Variants in ITGAV observed in about 807,000 individuals in gnomAD.
The protein encoded by ITGAV is integrin subunit alpha V, also known as integrin alpha-V.
ITGAV carries 76 observed loss-of-function variants against 143.8 expected under a neutral mutation model. The ratio of observed to expected loss-of-function variants is 0.53; its 90% CI spans 0.44 to 0.64. The LOEUF (loss-of-function observed/expected upper bound fraction) is 0.64. ITGAV is among the 30% of genes least tolerant of loss of function. The probability of loss-of-function intolerance (pLI) is 0.00; values close to 1 mark genes in which losing one functional copy is unlikely to be tolerated. For missense variants in ITGAV, 1,193 were observed against 1,274.7 expected, an observed-to-expected ratio of 0.94 and a Z score of 0.98; for synonymous variants, 453 against 446.7, an observed-to-expected ratio of 1.01 and a Z score of -0.18.
intron 6 of ITGAV, 80 bp from the exon 7 acceptor site, chr2:186,636,002 T>G: frequency 8.3e-7 from 1 of 1,198,782 alleles, no homozygotes; most frequent in Non-Finnish European, 1.2e-6. Context: ...TTGTTTTCCT[T>G]CATGCAGGTA....
intron 3 of ITGAV, among the ~76,000 whole-genome samples, chr2:186,622,771 T>C (rs1687568099): frequency 6.6e-6 from 1 of 152,146 alleles, no homozygotes; most frequent in African/African-American, 2.4e-5. Flanking sequence ...CTCTTTTTTT[T>C]TCTTTCCCTG....
At chr2:186,601,880 G>T (rs1233545056) in intron 1 of ITGAV, 141 bp from the exon 2 acceptor site, 1 of 730,156 alleles carries the variant, frequency 1.4e-6, no homozygotes, top group Non-Finnish European at 2.1e-6. Context: ...GAATAATGAA[G>T]ATTATGCCCT....
intron 6 of ITGAV, 145 bp downstream of exon 6, chr2:186,633,519 G>C: frequency 3.3e-6 from 1 of 298,656 alleles, no homozygotes; most frequent in Non-Finnish European, 6.2e-6. Flanking sequence ...ATTTTACACA[G>C]TGTTTTTTAA....
chr2:186,616,896 A>AT (rs1317596157), intron 2 of ITGAV, among the ~76,000 whole-genome samples: 5 of 151,886 alleles, frequency 3.3e-5, no homozygotes, highest in Non-Finnish European at 4.4e-5. Flanking sequence ...TTTATTGGAT[A>AT]TTTTTTTTCA....
At position 186,680,766 on chromosome 2, in the gene ITGAV, TGA is replaced by T. The variant is rs1292288100; in HGVS notation, c.*3477_*3478del. 2 of 152,630 alleles carry T rather than the reference TGA, an allele frequency of 1.3e-5. No homozygotes were observed. Among genetic ancestry groups the T allele is most frequent in the Non-Finnish European group, 2.9e-5 (2 of 68,006 alleles). 9.5% of individuals were successfully genotyped at this position (152,630 alleles called of 1,614,324 possible). On this transcript the variant is annotated 3_prime_UTR_variant, in exon 30 of 30. Coordinates refer to ENST00000261023, the MANE Select transcript of ITGAV (RefSeq NM_002210.5). ...TATCTTTGTGGTCACCCACATTGGG[TGA>T]GACAGAAAATGAATCTGTTCTAAAA... is the stretch of plus-strand genomic sequence containing the variant.
intron 18 of ITGAV, among the ~76,000 whole-genome samples, chr2:186,660,189 G>A (rs1211559933): frequency 2.6e-5 from 4 of 152,006 alleles, no homozygotes; most frequent in Admixed American, 2.6e-4. Flanking sequence ...TATTATCATT[G>A]TTATCACTAC....
chr2:186,641,615 G>C, intron 12 of ITGAV, 27 bp downstream of exon 12: 1 of 1,589,202 alleles, frequency 6.3e-7, no homozygotes, highest in Non-Finnish European at 8.6e-7. Context: ...GCAGCTACAG[G>C]TCCCTGATTA....
intron 19 of ITGAV, 90 bp from the exon 20 acceptor site, chr2:186,664,404 C>A: frequency 8.1e-7 from 1 of 1,227,544 alleles, no homozygotes; most frequent in Non-Finnish European, 1.2e-6. Context: ...CATGTCAGTG[C>A]TGTGTATTTA....
chr2:186,673,190 A>C (rs1689114041), intron 26 of ITGAV, among the ~76,000 whole-genome samples: 2 of 152,204 alleles, frequency 1.3e-5, no homozygotes, highest in African/African-American at 4.8e-5. Context: ...TTTCCCCTTA[A>C]ATGGTCTTGG....
At chr2:186,666,346 T>C (rs1688895117) in intron 21 of ITGAV, among the ~76,000 whole-genome samples, 1 of 152,206 alleles carries the variant, frequency 6.6e-6, no homozygotes, top group Non-Finnish European at 1.5e-5. Context: ...TCCTGGCCTA[T>C]GAACACAGCA....
In ITGAV at chr2:186,625,460, C is replaced by G. The variant is rs201385343; in HGVS notation, c.409-13C>G. 6 of 1,576,608 alleles carry G rather than the reference C, an allele frequency of 3.8e-6. No homozygotes were observed. The highest frequency in any genetic ancestry group is 5.2e-6 in the Non-Finnish European group (6 of 1,146,756). The stretch of plus-strand genomic sequence containing the variant: ...GAAAATCTTCGTGTCGTGGACTAAA[C>G]CTTTGATTTTAGGCCTGTGCCCCAT... On this transcript the variant is annotated splice_polypyrimidine_tract_variant and intron_variant, in intron 3 of 29. Transcript: ENST00000261023.
rs1686569437 is a variant in ITGAV at position 186,590,149 on chromosome 2, C to T, written c.-190C>T. The T allele has an allele frequency of 2.2e-6, 1 of 451,258 alleles. No individual in the cohort carries two copies. Among genetic ancestry groups the T allele is most frequent in the Non-Finnish European group, 3.7e-6 (1 of 267,196 alleles). The allele number at this position is 451,258 out of a possible 1,614,324, so 28.0% of individuals were successfully genotyped here. ...GTCCCCGCCCCGCGCGCTCTGCGCC[C>T]CTCGTCCCTGGCGGTCGCTCCGAAG... On this transcript the variant is annotated 5_prime_UTR_variant, in exon 1 of 30. Coordinates refer to ENST00000261023, the MANE Select transcript of ITGAV (RefSeq NM_002210.5).
At chr2:186,640,706 A>G (rs1414284685) in intron 10 of ITGAV, among the ~76,000 whole-genome samples, 2 of 152,190 alleles carry the variant, frequency 1.3e-5, no homozygotes, top group Admixed American at 6.5e-5. Context: ...ATATACATGT[A>G]ATATATTGTG....
chr2:186,675,459 A>G (rs1292223591), intron 26 of ITGAV, 145 bp from the exon 27 acceptor site: 4 of 617,498 alleles, frequency 6.5e-6, no homozygotes, highest in Non-Finnish European at 1.2e-5. Flanking sequence ...CATAGACTCA[A>G]CTATTAGCCT....
At chr2:186,653,171 T>C (rs1574492567) in intron 15 of ITGAV, among the ~76,000 whole-genome samples, 1 of 152,206 alleles carries the variant, frequency 6.6e-6, no homozygotes, top group East Asian at 1.9e-4. Flanking sequence ...GGTCTCGATC[T>C]CCTGACCTCA....
intron 3 of ITGAV, among the ~76,000 whole-genome samples, chr2:186,623,229 T>C (rs944937754): frequency 1.3e-5 from 2 of 152,234 alleles, no homozygotes; most frequent in Non-Finnish European, 2.9e-5. Flanking sequence ...TTCAGGTCAC[T>C]GAAATCCACT....
chr2:186,663,754 A>G lies in ITGAV; in HGVS notation c.1858-14A>G. ...GGTATTTTTCATGTAGAAAAATAAAATGTTTTTTTCTAGGCTCACATTCTA... is the reference window on the plus strand; with the variant it reads ...GGTATTTTTCATGTAGAAAAATAAAGTGTTTTTTTCTAGGCTCACATTCTA... On this transcript the variant is annotated splice_polypyrimidine_tract_variant and intron_variant, in intron 18 of 29. Coordinates refer to ENST00000261023, the MANE Select transcript of ITGAV (RefSeq NM_002210.5). 6.2e-7 allele frequency: 1 copy of G among 1,600,746 alleles called. No individual in the cohort carries two copies. The highest frequency in any genetic ancestry group is 8.6e-7 in the Non-Finnish European group (1 of 1,168,736).
chr2:186,604,118 C>T (rs1686990558), intron 2 of ITGAV, among the ~76,000 whole-genome samples: 2 of 151,960 alleles, frequency 1.3e-5, no homozygotes, highest in Non-Finnish European at 1.5e-5. Flanking sequence ...GCAGTCTGCC[C>T]CCCTCAGTCT....
chr2:186,658,684 A>G (rs1485405109), intron 17 of ITGAV, among the ~76,000 whole-genome samples: 2 of 152,082 alleles, frequency 1.3e-5, no homozygotes, highest in South Asian at 2.1e-4. Flanking sequence ...AATCCTATTG[A>G]GAAGGAATGC....
Sources: gnomAD v4.1 joint callset for allele counts (sites outside exome capture counted in the v4.1 genomes callset) on GRCh38, gnomAD v4.1.1 for gene constraint, MANE v1.5 for transcripts, NCBI Gene and HGNC (gene_info 2026-07-23, HGNC 2026-07-21) for gene names.